SLC22A14: variants seen among roughly 807,000 people sequenced by gnomAD.
SLC22A14 encodes the protein organic cation transporter-like 4.
Under a neutral mutation model 53.9 loss-of-function variants are expected in SLC22A14, and 50 were observed. That is an observed-to-expected ratio of 0.93 (90% CI 0.74 to 1.17). The LOEUF is 1.17. SLC22A14 is among the 50% of genes most tolerant of loss of function. SLC22A14 has a pLI of 0.00. For synonymous variants in SLC22A14, 312 were observed against 303.0 expected, an observed-to-expected ratio of 1.03 and a Z score of -0.31; for missense variants, 671 against 734.7, an observed-to-expected ratio of 0.91 and a Z score of 1.00.
intron 1 of SLC22A14, among the ~76,000 whole-genome samples, chr3:38,290,302 C>T (rs1294261707): frequency 6.6e-6 from 1 of 152,140 alleles, no homozygotes; most frequent in African/African-American, 2.4e-5. Flanking sequence ...TTGGGAGGGG[C>T]GCCTTCGATG....
intron 4 of SLC22A14, among the ~76,000 whole-genome samples, chr3:38,308,515 A>G (rs977330010): frequency 6.6e-6 from 1 of 152,226 alleles, no homozygotes; most frequent in African/African-American, 2.4e-5. Context: ...GCAGCTGCCT[A>G]GTTGCTCGGG....
At chr3:38,282,957 T>A (rs1703705603) in intron 1 of SLC22A14, among the ~76,000 whole-genome samples, 1 of 152,194 alleles carries the variant, frequency 6.6e-6, no homozygotes, top group East Asian at 1.9e-4. Flanking sequence ...CCTTATGGTT[T>A]TGGAGGTCAG....
At position 38,307,815 on chromosome 3, in the gene SLC22A14, G is replaced by A. The variant is rs894890077; in HGVS notation, c.775+95G>A. On this transcript the variant is annotated intron_variant, in intron 4 of 10. Transcript: ENST00000448498. The surrounding 1 kb of genome is among the most constrained non-coding windows in gnomAD (Gnocchi z 4.4). ...GGACATAGTGGCAGGGGGCGTGGCG[G>A]CATAGGCAGATGGCAAGGGGGCGTG... 125 of 1,397,600 alleles carry A rather than the reference G, an allele frequency of 8.9e-5. No homozygotes were observed. The highest frequency in any genetic ancestry group is 4.5e-4 in the Middle Eastern group (2 of 4,406). The allele number at this position is 1,397,600 out of a possible 1,614,324, so 86.6% of individuals were successfully genotyped here.
Position 38,316,442 on chromosome 3 carries a change from G to C in SLC22A14, c.1651G>C (p.Val551Leu), listed in dbSNP as rs200811642. 1.9e-6 allele frequency: 3 copies of C among 1,613,934 alleles called. No individual in the cohort carries two copies. Among genetic ancestry groups the C allele is most frequent in the Non-Finnish European group, 2.5e-6 (3 of 1,179,978 alleles). Residue 551 changes from valine (V) to leucine (L), a missense_variant, in exon 10 of 11, where the codon GTG becomes CTG. Physicochemically the swap from Val to Leu is conservative, Grantham distance 32. Coordinates refer to ENST00000448498, the MANE Select transcript of SLC22A14 (RefSeq NM_001320033.2). Reference sequence around the variant, plus strand: ...CTTTCTCTGCTGCGTCTTAGCCATCGTGGCCTTTTCCCTCTCCTCCCTGCT... The same window carrying C: ...CTTTCTCTGCTGCGTCTTAGCCATCCTGGCCTTTTCCCTCTCCTCCCTGCT... ...PIFLCCVLAI[V>L]AFSLSSLLPE...
intron 1 of SLC22A14, among the ~76,000 whole-genome samples, chr3:38,300,485 A>C (rs1041454745): frequency 6.6e-5 from 10 of 152,162 alleles, no homozygotes; most frequent in African/African-American, 1.9e-4. Flanking sequence ...ATTGCAACAA[A>C]AGGGTACAAT....
chr3:38,296,847 A>G (rs138809374), intron 1 of SLC22A14, among the ~76,000 whole-genome samples: 184 of 152,312 alleles, frequency 1.2e-3, no homozygotes, highest in African/African-American at 4.2e-3. Flanking sequence ...CAGAGCAGCA[A>G]TGGGCACCTC....
chr3:38,290,770 C>A (rs1020183107), intron 1 of SLC22A14, among the ~76,000 whole-genome samples: 3 of 152,152 alleles, frequency 2.0e-5, no homozygotes, highest in Non-Finnish European at 4.4e-5. Flanking sequence ...GCTTGGTTTC[C>A]CAGAGGGGAT....
rs35264960 is a variant in SLC22A14, at chr3:38,315,588, G to A, written c.1409G>A (p.Arg470His). The change falls in exon 9 of 11, where the codon CGT becomes CAT. Residue 470 changes from arginine (R) to histidine (H), a missense_variant. Arg to His is a conservative substitution (Grantham distance 29, BLOSUM62 0). Transcript: ENST00000448498. ...GATGGCCTCAGACTCAAGTGGCCAC[G>A]TTGTCCGGCCACAGAGCTGAAATCC... Reference protein sequence around the residue: ...GEDGLRLKWPRCPATELKSMT... With the variant: ...GEDGLRLKWPHCPATELKSMT... The A allele has an allele frequency of 9.3e-6, 15 of 1,614,068 alleles. No individual in the cohort carries two copies. In the African/African-American group the frequency reaches 1.2e-4, roughly 13 times the overall value.
chr3:38,307,329 T>G lies in SLC22A14; in HGVS notation c.592T>G (p.Ser198Ala), dbSNP rs746217066. The change falls in exon 3 of 11, where the codon TCT becomes GCT. Residue 198 changes from serine to alanine, a missense_variant. By Grantham distance (99) the Ser-to-Ala change is moderately conservative. Transcript: ENST00000448498. The surrounding 1 kb of genome is among the most constrained non-coding windows in gnomAD (Gnocchi z 4.4). Reference sequence around the variant, plus strand: ...GTTCATGGCAGGGCTCCCGATAGGCTCTCTCATCTTCAGGCTCATAACTGA... The same window carrying G: ...GTTCATGGCAGGGCTCCCGATAGGCGCTCTCATCTTCAGGCTCATAACTGA... ...IMFMAGLPIGSLIFRLITDKM... is the reference protein window; with the variant it reads ...IMFMAGLPIGALIFRLITDKM... 5.6e-6 allele frequency: 9 copies of G among 1,613,826 alleles called. No homozygotes were observed. The East Asian group carries it at 8.9e-5, about 16-fold the overall frequency.
chr3:38,281,139 G>T (rs1175325411), upstream of SLC22A14, among the ~76,000 whole-genome samples: 1 of 152,162 alleles, frequency 6.6e-6, no homozygotes, highest in African/African-American at 2.4e-5. Context: ...ACACCCCGAG[G>T]GAGGTCTGGT....
Position 38,304,734 on chromosome 3 carries a change from T to C in SLC22A14, c.1-1293T>C, listed in dbSNP as rs1465671090. Among the ~76,000 whole-genome samples the C allele has an allele frequency of 3.3e-5, 5 of 152,356 alleles. No homozygotes were observed. The South Asian group carries it at 6.2e-4, about 19-fold the overall frequency. ...GATTTTCAAGATCTTTTCTTTGTCA[T>C]TGGTGTCCTGCAGCTTCATTGCAAT... On this transcript the variant is annotated intron_variant, in intron 1 of 10. Transcript: ENST00000448498.
At chr3:38,316,179 G>T in intron 9 of SLC22A14, 145 bp from the exon 10 acceptor site, 1 of 710,512 alleles carries the variant, frequency 1.4e-6, no homozygotes, top group South Asian at 1.8e-5. Context: ...AGGAGGCCCA[G>T]AAGAAATTAT....
chr3:38,289,706 G>T (rs1198919333), intron 1 of SLC22A14, among the ~76,000 whole-genome samples: 1 of 152,220 alleles, frequency 6.6e-6, no homozygotes, highest in Non-Finnish European at 1.5e-5. Flanking sequence ...GGCAATGGGC[G>T]CCTCACTGGA....
chr3:38,306,652 C>T, intron 2 of SLC22A14, 110 bp downstream of exon 2: 2 of 1,098,998 alleles, frequency 1.8e-6, no homozygotes, highest in South Asian at 1.5e-5. Context: ...AAGCCATTGG[C>T]CTGAGGTCAA....
At position 38,312,376 on chromosome 3, in the gene SLC22A14, G is replaced by A. The variant is rs529274421; in HGVS notation, c.945-623G>A. Among the ~76,000 whole-genome samples, 8 of 152,308 alleles carry A rather than the reference G, an allele frequency of 5.3e-5. No homozygotes were observed. The East Asian group carries it at 1.5e-3, about 29-fold the overall frequency. ...TTTTTCACACATACGTGCTTTTTAT[G>A]CCAATCTGTGTGGATTCTGACAGCC... On this transcript the variant is annotated intron_variant, in intron 5 of 10. Coordinates refer to ENST00000448498, the MANE Select transcript of SLC22A14 (RefSeq NM_001320033.2).
chr3:38,305,027 A>T (rs1294827329), intron 1 of SLC22A14: 1 of 152,202 alleles, frequency 6.6e-6, no homozygotes, highest in Admixed American at 6.5e-5. Context: ...CAACAACAAC[A>T]ACTTGCCGTT....
intron 1 of SLC22A14, among the ~76,000 whole-genome samples, chr3:38,283,375 C>T (rs569350281): frequency 6.6e-6 from 1 of 152,180 alleles, no homozygotes; most frequent in Admixed American, 6.5e-5. Flanking sequence ...TCCCAGCACA[C>T]ACACATCTAA....
In SLC22A14 at chr3:38,316,522, A is replaced by G. The variant is rs750202942; in HGVS notation, c.1731A>G (p.Ile577Met). 2.5e-6 allele frequency: 4 copies of G among 1,613,724 alleles called. No homozygotes were observed. The highest frequency in any genetic ancestry group is 3.4e-6 in the Non-Finnish European group (4 of 1,179,798). The change falls in exon 10 of 11, where the codon ATA becomes ATG. Residue 577 changes from isoleucine to methionine, a missense_variant and splice_region_variant. Coordinates refer to ENST00000448498, the MANE Select transcript of SLC22A14 (RefSeq NM_001320033.2). ...AGAGCCTGAACCACTCCTCACAGAT[A>G]AGGTAGGTGTGGGAGCCTCCTGGGC... ...LSESLNHSSQ[I>M]RNKVKDMKTK...
Position 38,307,474 on chromosome 3 carries a change from AT to A in SLC22A14, c.621-91del. 1 of 1,573,766 alleles carries A rather than the reference AT, an allele frequency of 6.4e-7. No homozygotes were observed. The highest frequency in any genetic ancestry group is 1.1e-5 in the South Asian group (1 of 89,528). On this transcript the variant is annotated intron_variant, in intron 3 of 10. Transcript: ENST00000448498. The surrounding 1 kb of genome is among the most constrained non-coding windows in gnomAD (Gnocchi z 4.4). ...GAGGGTAGGGGTTCTCCAGGGACCC[AT>A]GGATGGCTCAGGGCCTGGCCCAGGT...
Sources: allele counts gnomAD v4.1 joint callset (sites outside exome capture counted in the v4.1 genomes callset), GRCh38; gene constraint gnomAD v4.1.1; non-coding constraint Gnocchi (gnomAD v3.1); transcripts MANE v1.5; gene names NCBI Gene and HGNC (gene_info 2026-07-23, HGNC 2026-07-21).